The following KIAA1328 variants were observed in gnomAD, a reference collection of about 807,000 sequenced individuals.
KIAA1328 encodes the protein protein hinderin.
A neutral mutation model predicts 68.1 loss-of-function variants in KIAA1328; 52 were observed. The ratio of observed to expected loss-of-function variants is 0.76; its 90% CI spans 0.61 to 0.96. The LOEUF is 0.96. Ranked by LOEUF, KIAA1328 falls within the 40% of genes least tolerant of loss-of-function variation. The pLI is 0.00. For synonymous variants in KIAA1328, 232 were observed against 239.4 expected (o/e 0.97, Z 0.28); for missense variants, 641 against 677.6 (o/e 0.95, Z 0.60).
chr18:36,849,193 A>T (rs1298441260), intron 4 of KIAA1328, among the ~76,000 whole-genome samples: 1 of 151,824 alleles, frequency 6.6e-6, no homozygotes, highest in African/African-American at 2.4e-5. Context: ...TACTCCTCTC[A>T]CCAGCCCCTG....
chr18:36,942,771 C>G (rs1420013569), intron 5 of KIAA1328, among the ~76,000 whole-genome samples: 2 of 152,100 alleles, frequency 1.3e-5, no homozygotes, highest in Non-Finnish European at 2.9e-5. Context: ...CATCATATAG[C>G]TGAGACATTA....
chr18:37,184,621 C>T (rs923267267), intron 9 of KIAA1328, among the ~76,000 whole-genome samples: 3 of 152,166 alleles, frequency 2.0e-5, no homozygotes, highest in African/African-American at 7.2e-5. Flanking sequence ...ATCCTGCCTC[C>T]ACAGCTCGCT....
intron 5 of KIAA1328, among the ~76,000 whole-genome samples, chr18:36,934,430 A>G (rs2050425882): frequency 6.6e-6 from 1 of 152,046 alleles, no homozygotes; most frequent in Non-Finnish European, 1.5e-5. Flanking sequence ...ATTTAGCATT[A>G]GTCATATCTC....
chr18:36,947,372 A>G (rs962495485), intron 5 of KIAA1328, among the ~76,000 whole-genome samples: 1 of 152,168 alleles, frequency 6.6e-6, no homozygotes, highest in African/African-American at 2.4e-5. Flanking sequence ...GCTTGATTTT[A>G]TACATTTTAG....
intron 6 of KIAA1328, among the ~76,000 whole-genome samples, chr18:36,967,156 T>G (rs2051974974): frequency 6.6e-6 from 1 of 152,164 alleles, no homozygotes; most frequent in South Asian, 2.1e-4. Flanking sequence ...ATCTAATAAA[T>G]AAGAAAAGCA....
At chr18:36,973,536 C>T (rs2052327663) in intron 6 of KIAA1328, among the ~76,000 whole-genome samples, 1 of 152,006 alleles carries the variant, frequency 6.6e-6, no homozygotes, top group South Asian at 2.1e-4. Flanking sequence ...GATAATGACA[C>T]AAGTTATTGT....
intron 9 of KIAA1328, among the ~76,000 whole-genome samples, chr18:37,188,079 T>A (rs1239405867): frequency 1.3e-5 from 2 of 152,238 alleles, no homozygotes; most frequent in Non-Finnish European, 2.9e-5. Context: ...GCAATTGGCG[T>A]TGAGCTTCAA....
intron 4 of KIAA1328, among the ~76,000 whole-genome samples, chr18:36,859,596 ACTCT>A (rs1451517619): frequency 8.6e-6 from 1 of 115,960 alleles, no homozygotes; most frequent in East Asian, 2.5e-4. Context: ...TCTCACTCTC[ACTCT>A]CTCTTTCTCT....
intron 6 of KIAA1328, among the ~76,000 whole-genome samples, chr18:36,978,302 T>C (rs1450938278): frequency 6.6e-6 from 1 of 152,176 alleles, no homozygotes; most frequent in African/African-American, 2.4e-5. Flanking sequence ...ATAGGCACCC[T>C]CTACTGTATA....
chr18:36,913,299 A>C (rs1005105998), intron 5 of KIAA1328, among the ~76,000 whole-genome samples: 1 of 151,558 alleles, frequency 6.6e-6, no homozygotes, highest in African/African-American at 2.4e-5. Context: ...TGGGAGGATC[A>C]CTTGAGGCCA....
intron 7 of KIAA1328, among the ~76,000 whole-genome samples, chr18:37,107,867 T>TAA (rs58171345): frequency 0.12 from 16,915 of 143,528 alleles, 1,082 homozygotes; most frequent in Non-Finnish European, 0.14. Flanking sequence ...ATTAAAAGGT[T>TAA]AAAAAAAAAA....
intron 5 of KIAA1328, among the ~76,000 whole-genome samples, chr18:36,917,163 A>G (rs2049738436): frequency 6.6e-6 from 1 of 152,014 alleles, no homozygotes; most frequent in Non-Finnish European, 1.5e-5. Flanking sequence ...TTCATGGGTC[A>G]TGTTTTCTTG....
chr18:36,835,389 T>C lies in KIAA1328; in HGVS notation c.237+13T>C. 6.2e-7 allele frequency: 1 copy of C among 1,601,714 alleles called. No individual in the cohort carries two copies. Among genetic ancestry groups the C allele is most frequent in the Non-Finnish European group, 8.5e-7 (1 of 1,175,414 alleles). ...AGTAGATGAACAGGTTAGTATTTTT[T>C]TCGTCTTTTTTTTTCCTTGCTCTCC... On this transcript the variant is annotated intron_variant, in intron 3 of 9. Transcript: ENST00000280020.
intron 5 of KIAA1328, among the ~76,000 whole-genome samples, chr18:36,907,319 A>T (rs925951756): frequency 7.2e-5 from 11 of 152,052 alleles, no homozygotes; most frequent in African/African-American, 2.4e-4. Context: ...AATTTCCAGT[A>T]CAATGTTGAG....
Position 36,835,327 on chromosome 18 carries a change from C to T in KIAA1328, c.188C>T (p.Ser63Leu). Residue 63 changes from serine to leucine, a missense_variant, in exon 3 of 10, where the codon TCA becomes TTA. Transcript: ENST00000280020. Reference sequence around the variant, plus strand: ...AAGACTTCCAGGGTGACTGATGCTTCAATCTCCATGGAGTCCTTAAAAGGC... The same window carrying T: ...AAGACTTCCAGGGTGACTGATGCTTTAATCTCCATGGAGTCCTTAAAAGGC... The part of the protein sequence containing the change: ...KLKTSRVTDA[S>L]ISMESLKGTG... The T allele has an allele frequency of 6.2e-7, 1 of 1,613,764 alleles. No individual in the cohort carries two copies. Among genetic ancestry groups the T allele is most frequent in the Non-Finnish European group, 8.5e-7 (1 of 1,179,736 alleles).
chr18:36,909,350 T>G (rs895158343), intron 5 of KIAA1328, among the ~76,000 whole-genome samples: 4 of 151,444 alleles, frequency 2.6e-5, no homozygotes, highest in Non-Finnish European at 5.9e-5. Context: ...TTCTCATTGT[T>G]CAATTCCCAC....
At chr18:37,083,297 A>G (rs906961351) in intron 7 of KIAA1328, among the ~76,000 whole-genome samples, 24 of 152,228 alleles carry the variant, frequency 1.6e-4, no homozygotes, top group African/African-American at 5.5e-4. Flanking sequence ...TCCTGAAGGG[A>G]ATTAATCCAT....
intron 4 of KIAA1328, among the ~76,000 whole-genome samples, chr18:36,877,813 C>T (rs1172063514): frequency 1.3e-5 from 2 of 151,696 alleles, no homozygotes; most frequent in Non-Finnish European, 2.9e-5. Context: ...ACTACAGGCG[C>T]CCGCCACAAT....
chr18:37,195,650 T>A (rs1009793276), intron 9 of KIAA1328, among the ~76,000 whole-genome samples: 2 of 152,218 alleles, frequency 1.3e-5, no homozygotes, highest in African/African-American at 4.8e-5. Context: ...GTTCCATTAG[T>A]CTATGTGTCT....
Sources: allele counts gnomAD v4.1 joint callset (sites outside exome capture counted in the v4.1 genomes callset), GRCh38; gene constraint gnomAD v4.1.1; transcripts MANE v1.5; gene names NCBI Gene and HGNC (gene_info 2026-07-23, HGNC 2026-07-21).